Variants in CXADR observed in about 807,000 individuals in gnomAD.
CXADR encodes the protein CXADR cell adhesion molecule, also known as coxsackievirus and adenovirus receptor.
Under a neutral mutation model 40.3 loss-of-function variants are expected in CXADR, and 20 were observed. That is an observed-to-expected ratio of 0.50 (90% CI 0.35 to 0.72). CXADR has a LOEUF of 0.72. Ranked by LOEUF, CXADR falls within the 30% of genes least tolerant of loss-of-function variation. The probability of loss-of-function intolerance (pLI) is 0.01; values close to 1 mark genes in which losing one functional copy is unlikely to be tolerated. For synonymous variants in CXADR, 150 were observed against 161.3 expected (o/e 0.93, Z 0.53); for missense variants, 332 against 449.1 (o/e 0.74, Z 2.36).
At position 17,541,617 on chromosome 21, in the gene CXADR, A is replaced by ATT. The variant is rs35505180; in HGVS notation, c.44-5394_44-5393dup. Among the ~76,000 whole-genome samples, 564 of 138,902 alleles carry ATT rather than the reference A, an allele frequency of 4.1e-3. 20 individuals carry two copies. In the East Asian group the frequency reaches 0.077, roughly 19 times the overall value. The allele number at this position is 138,902 out of a possible 152,430, so 91.1% of individuals were successfully genotyped here. A position where few individuals can be genotyped will look rare whatever the true frequency, so the allele number is the denominator to read the frequency against. On this transcript the variant is annotated intron_variant, in intron 1 of 6. Transcript: ENST00000284878. Reference sequence around the variant, plus strand: ...TTCCCTCTTTCCCCTGCATCTGTTGATTTTTTTTTTTTTTTTTACTCTCTG... The same window carrying ATT: ...TTCCCTCTTTCCCCTGCATCTGTTGATTTTTTTTTTTTTTTTTTTACTCTCTG...
At chr21:17,522,863 C>T (rs2060549008) in intron 1 of CXADR, among the ~76,000 whole-genome samples, 1 of 152,210 alleles carries the variant, frequency 6.6e-6, no homozygotes, top group Non-Finnish European at 1.5e-5. Context: ...CTTAATGTCT[C>T]TACACACACT....
At chr21:17,613,674 A>G in the CXADR span, 1 of 152,280 alleles carries the variant, frequency 6.6e-6, no homozygotes, top group Non-Finnish European at 1.5e-5. Flanking sequence ...AGGACTTCCC[A>G]GATGCAAAGC....
intron 1 of CXADR, chr21:17,518,886 T>G: frequency 6.4e-7 from 1 of 1,571,842 alleles, no homozygotes; most frequent in South Asian, 1.1e-5. Context: ...TCTGAAGCTT[T>G]TTGTCATCAG....
chr21:17,607,026 T>C, the CXADR span, among the ~76,000 whole-genome samples: 1 of 152,198 alleles, frequency 6.6e-6, no homozygotes, highest in Non-Finnish European at 1.5e-5. Context: ...ACTCCACCTA[T>C]TCTACAGACT....
intron 1 of CXADR, among the ~76,000 whole-genome samples, chr21:17,521,610 A>G (rs1296579325): frequency 2.6e-5 from 4 of 152,208 alleles, no homozygotes; most frequent in Non-Finnish European, 4.4e-5. Flanking sequence ...GGCGTGAGCC[A>G]CCGCACCTGG....
At chr21:17,521,448 G>A (rs755301487) in intron 1 of CXADR, among the ~76,000 whole-genome samples, 3 of 152,048 alleles carry the variant, frequency 2.0e-5, no homozygotes, top group Admixed American at 6.6e-5. Context: ...TCAGCGTCCC[G>A]AGTAGCTGGG....
At chr21:17,550,864 A>G (rs1163423155) in intron 2 of CXADR, among the ~76,000 whole-genome samples, 1 of 152,234 alleles carries the variant, frequency 6.6e-6, no homozygotes, top group Non-Finnish European at 1.5e-5. Context: ...AGATTCATTC[A>G]AAGGACTTGT....
downstream of CXADR, chr21:17,594,188 G>A: frequency 1.2e-6 from 2 of 1,613,330 alleles, no homozygotes; most frequent in Non-Finnish European, 1.7e-6. Context: ...GGGCGATATG[G>A]TTTATTTTTT....
intron 7 of CXADR, chr21:17,576,861 T>C (rs186755944): frequency 2.0e-5 from 3 of 152,352 alleles, no homozygotes; most frequent in Admixed American, 2.0e-4. Context: ...AAGCTCTTTG[T>C]TCTACTCTTT....
At chr21:17,534,789 C>CTTTTTTTTTTTTTTTTTTTTTTTTTT (rs11427595) in intron 1 of CXADR, among the ~76,000 whole-genome samples, 1 of 131,928 alleles carries the variant, frequency 7.6e-6, no homozygotes, top group East Asian at 2.4e-4. Context: ...TATTTTCTTC[C>CTTTTTTTTTTTTTTTTTTTTTTTTTT]TTTTTTTTTT....
intron 7 of CXADR, among the ~76,000 whole-genome samples, chr21:17,580,503 G>T (rs1186704567): frequency 1.3e-5 from 2 of 152,104 alleles, no homozygotes; most frequent in Non-Finnish European, 2.9e-5. Flanking sequence ...CAGATACTTG[G>T]GAGGCTGAAG....
At chr21:17,626,238 C>A in the CXADR span, among the ~76,000 whole-genome samples, 3 of 152,230 alleles carry the variant, frequency 2.0e-5, no homozygotes, top group African/African-American at 7.2e-5. Context: ...TGCAAACATA[C>A]CTATCCCCTT....
At chr21:17,538,726 G>C (rs1486130420) in intron 1 of CXADR, among the ~76,000 whole-genome samples, 1 of 152,204 alleles carries the variant, frequency 6.6e-6, no homozygotes, top group Non-Finnish European at 1.5e-5. Flanking sequence ...TGAGGCAGGA[G>C]AGGATCCCTT....
rs889646503 is a variant in CXADR, at chr21:17,567,890, C to T, written c.*2198C>T. 5 of 969,952 alleles carry T rather than the reference C, an allele frequency of 5.2e-6. No individual in the cohort carries two copies. Among genetic ancestry groups the T allele is most frequent in the Admixed American group, 6.3e-5 (1 of 15,870 alleles). 60.1% of individuals were successfully genotyped at this position (969,952 alleles called of 1,614,324 possible). A position where few individuals can be genotyped will look rare whatever the true frequency, so the allele number is the denominator to read the frequency against. ...TTTTTTTTTAATAACATATGAGGAA[C>T]AAGACTTCTCTTCCCATATACTTCA... On this transcript the variant is annotated 3_prime_UTR_variant, in exon 7 of 7. Transcript: ENST00000284878.
intron 7 of CXADR, among the ~76,000 whole-genome samples, chr21:17,591,081 A>G (rs1023396764): frequency 1.3e-5 from 2 of 152,038 alleles, no homozygotes; most frequent in Non-Finnish European, 2.9e-5. Context: ...TTGGTCTGAT[A>G]ATGAACCTTC....
At chr21:17,529,913 C>T (rs2060648723) in intron 1 of CXADR, among the ~76,000 whole-genome samples, 1 of 151,796 alleles carries the variant, frequency 6.6e-6, no homozygotes, top group African/African-American at 2.4e-5. Flanking sequence ...CATGCCCCTT[C>T]CAGTCCCTTC....
At chr21:17,634,132 T>G in the CXADR span, among the ~76,000 whole-genome samples, 4 of 152,180 alleles carry the variant, frequency 2.6e-5, no homozygotes, top group Admixed American at 1.3e-4. Context: ...GCTGATGGCA[T>G]AGTCTGGAAT....
the CXADR span, chr21:17,605,048 A>T: frequency 6.3e-7 from 1 of 1,584,404 alleles, no homozygotes; most frequent in Non-Finnish European, 8.6e-7. Flanking sequence ...TTAATCATAA[A>T]CGCCGTAATA....
At chr21:17,584,493 C>T (rs2061381273) in intron 7 of CXADR, among the ~76,000 whole-genome samples, 1 of 152,174 alleles carries the variant, frequency 6.6e-6, no homozygotes, top group Admixed American at 6.5e-5. Flanking sequence ...TGTATTTGGA[C>T]ATCTTACTAT....
Sources: gnomAD v4.1 joint callset for allele counts (sites outside exome capture counted in the v4.1 genomes callset) on GRCh38, gnomAD v4.1.1 for gene constraint, MANE v1.5 for transcripts, NCBI Gene and HGNC (gene_info 2026-07-23, HGNC 2026-07-21) for gene names.